The following ASIP variants were observed in gnomAD, a reference collection of about 807,000 sequenced individuals.
The protein encoded by ASIP is agouti signaling protein.
ASIP carries 11 observed loss-of-function variants against 10.3 expected under a neutral mutation model. The observed-to-expected ratio is 1.07, with a 90% CI of 0.68 to 1.78. ASIP has a LOEUF of 1.78. Ranked by LOEUF, ASIP falls within the 40% of genes most tolerant of loss-of-function variation. The probability of loss-of-function intolerance (pLI) is 0.00; values close to 1 mark genes in which losing one functional copy is unlikely to be tolerated. For missense variants in ASIP, 180 were observed against 169.2 expected (o/e 1.06, Z -0.35); for synonymous variants, 70 against 70.8 (o/e 0.99, Z 0.06).
upstream of ASIP, among the ~76,000 whole-genome samples, chr20:34,190,435 T>A (rs2034817832): frequency 1.3e-5 from 2 of 152,306 alleles, no homozygotes; most frequent in South Asian, 2.1e-4. Context: ...TTGTCACTAT[T>A]CCCATTTTCC....
At chr20:34,246,821 A>G (rs912646454) in intron 1 of ASIP, among the ~76,000 whole-genome samples, 2 of 152,016 alleles carry the variant, frequency 1.3e-5, no homozygotes, top group South Asian at 2.1e-4. Context: ...ATTAACTCCA[A>G]TTCCCACAAC....
intron 3 of ASIP, among the ~76,000 whole-genome samples, chr20:34,267,459 C>CAAAAAAAAAAAA (rs953440256): frequency 2.2e-5 from 1 of 46,278 alleles, no homozygotes; most frequent in East Asian, 7.1e-4. Flanking sequence ...AACTGGCTCT[C>CAAAAAAAAAAAA]AAAAAAAAAA....
chr20:34,226,762 T>A (rs1009169118), intron 1 of ASIP, among the ~76,000 whole-genome samples: 1 of 152,212 alleles, frequency 6.6e-6, no homozygotes, highest in East Asian at 1.9e-4. Context: ...AATTTTTTTT[T>A]ATGTTTTATA....
chr20:34,207,654 T>C (rs2034946115), intron 1 of ASIP, among the ~76,000 whole-genome samples: 1 of 152,226 alleles, frequency 6.6e-6, no homozygotes, highest in South Asian at 2.1e-4. Flanking sequence ...GGTTTCATAG[T>C]TTCAGTTCTT....
At chr20:34,211,250 A>G (rs996861743) in intron 1 of ASIP, among the ~76,000 whole-genome samples, 1 of 152,190 alleles carries the variant, frequency 6.6e-6, no homozygotes, top group Non-Finnish European at 1.5e-5. Flanking sequence ...GCCCAGGCTG[A>G]TCTCAAACTC....
At chr20:34,193,644 T>C (rs2034837628), upstream of ASIP, among the ~76,000 whole-genome samples, 2 of 152,232 alleles carry the variant, frequency 1.3e-5, no homozygotes, top group African/African-American at 2.4e-5. Context: ...GATAGGTAAA[T>C]GGTGTTGCAA....
At chr20:34,243,603 C>T (rs921927799) in intron 1 of ASIP, among the ~76,000 whole-genome samples, 19 of 152,026 alleles carry the variant, frequency 1.2e-4, no homozygotes, top group African/African-American at 4.6e-4. Context: ...CATCTGCCAG[C>T]ACCAACAGAA....
At chr20:34,191,453 T>C (rs1055083919), upstream of ASIP, among the ~76,000 whole-genome samples, 1 of 152,166 alleles carries the variant, frequency 6.6e-6, no homozygotes, top group Non-Finnish European at 1.5e-5. Context: ...GAAGGCCCTC[T>C]GGTCCCAGCG....
chr20:34,218,370 A>G (rs1470800945), intron 1 of ASIP, among the ~76,000 whole-genome samples: 6 of 152,150 alleles, frequency 3.9e-5, no homozygotes, highest in Non-Finnish European at 7.3e-5. Flanking sequence ...TGCCTTGTAC[A>G]CCTACCACTT....
chr20:34,252,593 A>T (rs1055208127), intron 1 of ASIP, among the ~76,000 whole-genome samples: 8 of 152,122 alleles, frequency 5.3e-5, no homozygotes, highest in Non-Finnish European at 1.0e-4. Context: ...GTACACTGAG[A>T]CATTCCATTC....
intron 1 of ASIP, among the ~76,000 whole-genome samples, chr20:34,225,532 TCAGATCAACTTCACATG>T (rs2035086799): frequency 1.3e-5 from 2 of 152,090 alleles, no homozygotes; most frequent in African/African-American, 4.8e-5. Flanking sequence ...ACAGTTTTTC[TCAGATCAACTTCACATG>T]TAATTTACAA....
chr20:34,203,676 C>T (rs1162131486), intron 1 of ASIP, among the ~76,000 whole-genome samples: 1 of 152,112 alleles, frequency 6.6e-6, no homozygotes, highest in East Asian at 1.9e-4. Context: ...AGATTACAGG[C>T]ATGAGCCAAT....
chr20:34,219,990 T>C lies in ASIP; in HGVS notation c.-11+25230T>C, dbSNP rs188990787. ...CTGTAGTCCCAGCTACTAGGGAGGC[T>C]GAGGCAGGAGAATGGCATGAACCCG... On this transcript the variant is annotated intron_variant, in intron 1 of 3. Transcript: ENST00000568305. 4.9e-4 allele frequency among the ~76,000 whole-genome samples: 74 copies of C among 152,052 alleles called. 1 individual carries two copies. The highest frequency in any genetic ancestry group is 6.8e-3 in the Middle Eastern group (2 of 294).
At chr20:34,215,063 A>G in intron 1 of ASIP, 2 of 1,545,812 alleles carry the variant, frequency 1.3e-6, no homozygotes, top group Non-Finnish European at 1.8e-6. Context: ...TCAATGCTGA[A>G]AAAGCCAGCA....
intron 1 of ASIP, among the ~76,000 whole-genome samples, chr20:34,198,084 G>A (rs1324145221): frequency 1.4e-5 from 2 of 144,224 alleles, no homozygotes; most frequent in Non-Finnish European, 3.0e-5. Context: ...TTGAGACGGA[G>A]TCTCACTCTG....
At chr20:34,213,902 C>T in intron 1 of ASIP, 2 of 1,586,858 alleles carry the variant, frequency 1.3e-6, no homozygotes, top group African/African-American at 1.3e-5. Flanking sequence ...GCAAATCCAA[C>T]AGCATGGTTG....
chr20:34,235,211 G>A (rs1160468405), intron 1 of ASIP, among the ~76,000 whole-genome samples: 1 of 152,238 alleles, frequency 6.6e-6, no homozygotes, highest in Non-Finnish European at 1.5e-5. Flanking sequence ...AGAGGCCGAG[G>A]TGGGCAGATC....
At chr20:34,214,416 C>T (rs929689149) in intron 1 of ASIP, 9 of 1,465,346 alleles carry the variant, frequency 6.1e-6, no homozygotes, top group African/African-American at 4.2e-5. Context: ...TACCAGAGTT[C>T]GCATCATACC....
At chr20:34,208,564 G>A (rs181232383) in intron 1 of ASIP, among the ~76,000 whole-genome samples, 73 of 152,056 alleles carry the variant, frequency 4.8e-4, no homozygotes, top group East Asian at 1.5e-3. Context: ...TGTGTGCCTC[G>A]GTTGACTCAA....
Sources: gnomAD v4.1 joint callset for allele counts (sites outside exome capture counted in the v4.1 genomes callset) on GRCh38, gnomAD v4.1.1 for gene constraint, MANE v1.5 for transcripts, NCBI Gene and HGNC (gene_info 2026-07-23, HGNC 2026-07-21) for gene names.